The following STK32B variants were observed in gnomAD, a reference collection of about 807,000 sequenced individuals.
STK32B encodes serine/threonine-protein kinase 32B.
A neutral mutation model predicts 52.6 loss-of-function variants in STK32B; 43 were observed. The observed-to-expected ratio is 0.82, with a 90% CI of 0.64 to 1.05. The LOEUF is 1.05. STK32B is among the 50% of genes least tolerant of loss of function. The pLI, the probability that STK32B is intolerant of heterozygous loss-of-function variation, is 0.00. For missense variants in STK32B, 621 were observed against 534.6 expected, an observed-to-expected ratio of 1.16 and a Z score of -1.59; for synonymous variants, 238 against 204.3, an observed-to-expected ratio of 1.17 and a Z score of -1.41.
At chr4:5,496,526 C>G (rs1312818951) in intron 11 of STK32B, among the ~76,000 whole-genome samples, 2 of 136,558 alleles carry the variant, frequency 1.5e-5, no homozygotes, top group Non-Finnish European at 3.0e-5. Flanking sequence ...CCTTGCGCTT[C>G]CCGAGTGAGG....
Position 5,479,856 on chromosome 4 carries a change from T to C in STK32B, c.1106+11786T>C, listed in dbSNP as rs368418738. ...GTGTTTGCGGTTTTTTGGGGTTTTG[T>C]TTTGGGGCGTTTCTTTTTTAACTAC... On this transcript the variant is annotated intron_variant, in intron 11 of 11. Transcript: ENST00000282908. Among the ~76,000 whole-genome samples, 58 of 152,250 alleles carry C rather than the reference T, an allele frequency of 3.8e-4. 1 individual carries two copies. In the Middle Eastern group the frequency reaches 0.014, roughly 36 times the overall value.
At chr4:5,089,651 T>C (rs535244953) in intron 1 of STK32B, among the ~76,000 whole-genome samples, 4 of 152,130 alleles carry the variant, frequency 2.6e-5, no homozygotes, top group Admixed American at 2.6e-4. Flanking sequence ...ATGTAGTATG[T>C]AGCAATAAAC....
At chr4:5,454,622 A>G (rs188152606) in intron 7 of STK32B, among the ~76,000 whole-genome samples, 1 of 152,250 alleles carries the variant, frequency 6.6e-6, no homozygotes, top group East Asian at 1.9e-4. Flanking sequence ...TTTCCCCTGT[A>G]GCAGCAGTGG....
At chr4:5,347,775 G>T (rs535284741) in intron 4 of STK32B, among the ~76,000 whole-genome samples, 7 of 152,078 alleles carry the variant, frequency 4.6e-5, no homozygotes, top group Non-Finnish European at 1.0e-4. Flanking sequence ...AAAGTGTTTG[G>T]CACTTCCCTC....
At chr4:5,201,552 T>C (rs775402606) in intron 3 of STK32B, among the ~76,000 whole-genome samples, 13 of 152,182 alleles carry the variant, frequency 8.5e-5, no homozygotes, top group Non-Finnish European at 1.5e-4. Context: ...AGCAAAGTGC[T>C]CCGGTTCAGG....
Position 5,275,404 on chromosome 4 carries a change from A to G in STK32B, c.261-55816A>G, listed in dbSNP as rs60182107. Among the ~76,000 whole-genome samples the G allele has an allele frequency of 3.7e-3, 558 of 152,334 alleles. 2 individuals are homozygous for G. The highest frequency in any genetic ancestry group is 0.012 in the African/African-American group (501 of 41,578). ...GTTCATTTTATTTAAAACTGCCACT[A>G]ATCAATTTTGATGCAAATATCTTTT... On this transcript the variant is annotated intron_variant, in intron 3 of 11. Coordinates refer to ENST00000282908, the MANE Select transcript of STK32B (RefSeq NM_018401.3).
chr4:5,190,034 G>A lies in STK32B; in HGVS notation c.260+21584G>A, dbSNP rs146629575. ...TCCCCACAAATCATATGTGGAGAGC[G>A]TACATGATCAGCTCACTTGGTTACT... On this transcript the variant is annotated intron_variant, in intron 3 of 11. Transcript: ENST00000282908. Among the ~76,000 whole-genome samples the A allele has an allele frequency of 8.5e-5, 13 of 152,232 alleles. No homozygotes were observed. The East Asian group carries it at 1.2e-3, about 14-fold the overall frequency.
intron 4 of STK32B, among the ~76,000 whole-genome samples, chr4:5,372,738 T>C: frequency 6.6e-6 from 1 of 151,180 alleles, no homozygotes; most frequent in East Asian, 2.0e-4. Flanking sequence ...GGGGCGGTTA[T>C]TTCAGACTAA....
chr4:5,270,824 T>C (rs1727375784), intron 3 of STK32B, among the ~76,000 whole-genome samples: 1 of 152,206 alleles, frequency 6.6e-6, no homozygotes, highest in African/African-American at 2.4e-5. Context: ...ACCAAAAAGA[T>C]AGTAAAACTA....
At chr4:5,351,565 A>G (rs915357417) in intron 4 of STK32B, among the ~76,000 whole-genome samples, 7 of 152,212 alleles carry the variant, frequency 4.6e-5, no homozygotes, top group African/African-American at 1.4e-4. Flanking sequence ...TAGAAAAAGA[A>G]GAACAAACCA....
At chr4:5,162,592 G>T (rs1365944555) in intron 2 of STK32B, among the ~76,000 whole-genome samples, 1 of 152,204 alleles carries the variant, frequency 6.6e-6, no homozygotes, top group Non-Finnish European at 1.5e-5. Context: ...GTCCCATTAA[G>T]TTGTAATTAA....
Position 5,110,527 on chromosome 4 carries a change from AATGGT to A in STK32B, c.53-29377_53-29373del, listed in dbSNP as rs1714347424. 1.3e-5 allele frequency among the ~76,000 whole-genome samples: 2 copies of A among 152,126 alleles called. 1 individual carries two copies. Among genetic ancestry groups the A allele is most frequent in the African/African-American group, 4.8e-5 (2 of 41,408 alleles). ...TGGGAAAAAGACATCCTATTCAATA[AATGGT>A]GCTGGGAAAACTGGCTGACCATTAA... On this transcript the variant is annotated intron_variant, in intron 1 of 11. Coordinates refer to ENST00000282908, the MANE Select transcript of STK32B (RefSeq NM_018401.3).
chr4:5,492,484 A>G (rs1022788312), intron 11 of STK32B, among the ~76,000 whole-genome samples: 99 of 152,084 alleles, frequency 6.5e-4, no homozygotes, highest in Middle Eastern at 3.4e-3. Context: ...GGCTGAGACA[A>G]TGGGGTTTTC....
chr4:5,151,622 A>G (rs10029823), intron 2 of STK32B, among the ~76,000 whole-genome samples: 49,257 of 151,888 alleles, frequency 0.32, 9,366 homozygotes, highest in Non-Finnish European at 0.44. Flanking sequence ...CACATTTAAA[A>G]TAACCATTTT....
chr4:5,349,487 T>G (rs982897229), intron 4 of STK32B, among the ~76,000 whole-genome samples: 1 of 151,604 alleles, frequency 6.6e-6, no homozygotes, highest in Non-Finnish European at 1.5e-5. Context: ...TAGGAAAAAG[T>G]CTTCCCCTAT....
At chr4:5,432,183 CA>C (rs1429451104) in intron 6 of STK32B, 2 of 152,104 alleles carry the variant, frequency 1.3e-5, no homozygotes, top group Non-Finnish European at 2.9e-5. Flanking sequence ...AATGCTTGCC[CA>C]GTGACAAACA....
At chr4:5,320,993 C>G (rs1014404080) in intron 3 of STK32B, among the ~76,000 whole-genome samples, 2 of 152,138 alleles carry the variant, frequency 1.3e-5, no homozygotes. Context: ...AAGTGCATCA[C>G]TGTAGACTCA....
At chr4:5,111,688 C>T (rs75914676) in intron 1 of STK32B, among the ~76,000 whole-genome samples, 2,289 of 152,078 alleles carry the variant, frequency 0.015, 67 homozygotes, top group African/African-American at 0.052. Context: ...CACTAGAAGC[C>T]CAACCCCTGT....
At chr4:5,246,207 C>A (rs1012216997) in intron 3 of STK32B, among the ~76,000 whole-genome samples, 1 of 152,230 alleles carries the variant, frequency 6.6e-6, no homozygotes, top group Admixed American at 6.5e-5. Flanking sequence ...CTTTCAGGTA[C>A]ACCAATGAGA....
Sources: gnomAD v4.1 joint callset for allele counts (sites outside exome capture counted in the v4.1 genomes callset) on GRCh38, gnomAD v4.1.1 for gene constraint, MANE v1.5 for transcripts, NCBI Gene and HGNC (gene_info 2026-07-23, HGNC 2026-07-21) for gene names.